The following MAP4K3 variants were observed in gnomAD, a reference collection of about 807,000 sequenced individuals.
MAP4K3 encodes MAPK/ERK kinase kinase kinase 3.
In MAP4K3, 94 loss-of-function variants were observed where a neutral mutation model predicts 143.5. That is an observed-to-expected ratio of 0.65 (90% CI 0.55 to 0.78). MAP4K3 has a LOEUF of 0.78. Among genes scored for constraint, MAP4K3 ranks in the 30% least tolerant of loss-of-function variants. The pLI is 0.00. For missense variants in MAP4K3, 1,077 were observed against 1,068.1 expected, an observed-to-expected ratio of 1.01 and a Z score of -0.12; for synonymous variants, 416 against 347.2, an observed-to-expected ratio of 1.20 and a Z score of -2.20.
chr2:39,430,714 G>C (rs575877113), intron 1 of MAP4K3, among the ~76,000 whole-genome samples: 1 of 151,982 alleles, frequency 6.6e-6, no homozygotes, highest in African/African-American at 2.4e-5. Flanking sequence ...TCAAAATGAC[G>C]GAGTATCTTC....
chr2:39,412,418 G>A (rs759665969), intron 1 of MAP4K3, among the ~76,000 whole-genome samples: 5 of 152,012 alleles, frequency 3.3e-5, no homozygotes, highest in Non-Finnish European at 7.4e-5. Context: ...GACAAAGAAG[G>A]CCCCTGATCC....
intron 14 of MAP4K3, among the ~76,000 whole-genome samples, chr2:39,308,511 T>A (rs993769932): frequency 6.6e-6 from 1 of 152,112 alleles, no homozygotes; most frequent in African/African-American, 2.4e-5. Flanking sequence ...AGAAGAAAGC[T>A]CCTACTTCAA....
In MAP4K3 at chr2:39,351,261, C is replaced by T. The variant is rs542301407; in HGVS notation, c.245+4988G>A. 2.0e-4 allele frequency among the ~76,000 whole-genome samples: 31 copies of T among 152,242 alleles called. No individual in the cohort carries two copies. In the East Asian group the frequency reaches 5.8e-3, roughly 28 times the overall value. On this transcript the variant is annotated intron_variant, in intron 3 of 33. Transcript: ENST00000263881. Reference sequence around the variant, plus strand: ...TGTCACAGTTTTTCATGCATGTGTTCCCTTTGCCAAAAATTCCAATTTTCT... The same window carrying T: ...TGTCACAGTTTTTCATGCATGTGTTTCCTTTGCCAAAAATTCCAATTTTCT...
chr2:39,405,769 G>A (rs1294391774), intron 1 of MAP4K3, among the ~76,000 whole-genome samples: 1 of 152,136 alleles, frequency 6.6e-6, no homozygotes, highest in African/African-American at 2.4e-5. Context: ...GTGGGAGGCT[G>A]AGGTGGGAGG....
chr2:39,368,670 A>G (rs1665992146), intron 2 of MAP4K3, among the ~76,000 whole-genome samples: 1 of 152,090 alleles, frequency 6.6e-6, no homozygotes, highest in Non-Finnish European at 1.5e-5. Flanking sequence ...TCCTGTCTCT[A>G]AAAGAAAAAG....
chr2:39,394,084 T>C (rs1572484312), intron 1 of MAP4K3, among the ~76,000 whole-genome samples: 1 of 152,208 alleles, frequency 6.6e-6, no homozygotes, highest in Admixed American at 6.5e-5. Context: ...CTAGCAATAT[T>C]AGAAACTTTT....
intron 13 of MAP4K3, among the ~76,000 whole-genome samples, chr2:39,310,173 T>A (rs1215361885): frequency 6.6e-6 from 1 of 152,258 alleles, no homozygotes; most frequent in African/African-American, 2.4e-5. Flanking sequence ...ATTTCCCTAC[T>A]CTGCTACTGA....
intron 28 of MAP4K3, among the ~76,000 whole-genome samples, chr2:39,262,303 C>T (rs1372255506): frequency 6.6e-6 from 1 of 152,200 alleles, no homozygotes; most frequent in Non-Finnish European, 1.5e-5. Context: ...TTCCTACAGT[C>T]CTTCTTTCCC....
intron 1 of MAP4K3, among the ~76,000 whole-genome samples, chr2:39,417,440 T>G (rs572151234): frequency 6.6e-6 from 1 of 152,032 alleles, no homozygotes; most frequent in Admixed American, 6.6e-5. Context: ...AGGATGGTCT[T>G]GATCTCCTGA....
chr2:39,312,436 A>C (rs1267094841), intron 13 of MAP4K3, among the ~76,000 whole-genome samples: 5 of 152,236 alleles, frequency 3.3e-5, no homozygotes, highest in African/African-American at 1.2e-4. Flanking sequence ...AAGCTGAGGA[A>C]AACAGTGAGA....
intron 17 of MAP4K3, 40 bp from the exon 18 acceptor site, chr2:39,292,866 T>C: frequency 6.5e-7 from 1 of 1,536,638 alleles, no homozygotes; most frequent in South Asian, 1.2e-5. Flanking sequence ...TAAATGGATT[T>C]TACCAAAACA....
intron 18 of MAP4K3, among the ~76,000 whole-genome samples, chr2:39,291,091 A>G (rs1172636783): frequency 6.6e-6 from 1 of 152,134 alleles, no homozygotes; most frequent in Non-Finnish European, 1.5e-5. Flanking sequence ...CAAAAAACCA[A>G]TAATGTGTTA....
chr2:39,255,628 G>A (rs550285930), intron 31 of MAP4K3, among the ~76,000 whole-genome samples: 6 of 152,200 alleles, frequency 3.9e-5, no homozygotes, highest in Non-Finnish European at 7.4e-5. Flanking sequence ...GGTAGAAAAC[G>A]ATTTGTCAAC....
chr2:39,299,866 T>C (rs917403575), intron 15 of MAP4K3, 65 bp from the exon 16 acceptor site: 3 of 596,178 alleles, frequency 5.0e-6, no homozygotes, highest in Non-Finnish European at 8.2e-6. Flanking sequence ...TACATTAATA[T>C]ATATAATACA....
chr2:39,392,852 A>G (rs1159558334), intron 1 of MAP4K3, among the ~76,000 whole-genome samples: 2 of 152,194 alleles, frequency 1.3e-5, no homozygotes, highest in Non-Finnish European at 2.9e-5. Flanking sequence ...CACAGTACAA[A>G]GACCCTAACT....
chr2:39,371,904 T>C (rs1220748954), intron 2 of MAP4K3, among the ~76,000 whole-genome samples: 4 of 149,992 alleles, frequency 2.7e-5, no homozygotes, highest in Non-Finnish European at 4.4e-5. Flanking sequence ...ACATATAATA[T>C]ATATTACATA....
intron 13 of MAP4K3, 101 bp from the exon 14 acceptor site, chr2:39,309,620 C>G (rs1682872842): frequency 1.6e-6 from 1 of 626,752 alleles, no homozygotes; most frequent in Non-Finnish European, 2.5e-6. Context: ...TGCAGTGGCG[C>G]AATCTCAGCT....
At chr2:39,270,035 C>T (rs924449147) in intron 26 of MAP4K3, among the ~76,000 whole-genome samples, 1 of 152,124 alleles carries the variant, frequency 6.6e-6, no homozygotes, top group Non-Finnish European at 1.5e-5. Context: ...TGACAGATTT[C>T]GGCTGGCAGA....
chr2:39,335,245 A>G (rs1683829487), intron 6 of MAP4K3, among the ~76,000 whole-genome samples: 1 of 152,214 alleles, frequency 6.6e-6, no homozygotes, highest in Admixed American at 6.5e-5. Flanking sequence ...CAGGAGAGTG[A>G]TAAGATATGG....
Sources: allele counts gnomAD v4.1 joint callset (sites outside exome capture counted in the v4.1 genomes callset), GRCh38; gene constraint gnomAD v4.1.1; transcripts MANE v1.5; gene names NCBI Gene and HGNC (gene_info 2026-07-23, HGNC 2026-07-21).